Variants in DDX55 observed in about 807,000 individuals in gnomAD.
DDX55 encodes the protein ATP-dependent RNA helicase DDX55.
Under a neutral mutation model 69.2 loss-of-function variants are expected in DDX55, and 56 were observed. The observed-to-expected ratio is 0.81, with a 90% CI of 0.65 to 1.01. The LOEUF (loss-of-function observed/expected upper bound fraction) is 1.01. Ranked by LOEUF, DDX55 falls within the 50% of genes least tolerant of loss-of-function variation. DDX55 has a pLI of 0.00. For synonymous variants in DDX55, 268 were observed against 273.1 expected (o/e 0.98, Z 0.18); for missense variants, 720 against 745.1 (o/e 0.97, Z 0.39).
Position 123,616,577 on chromosome 12 carries a change from G to A in DDX55, c.1023G>A (p.Leu341=). Residue 341 remains leucine (L), a synonymous_variant, in exon 10 of 14, where the codon TTG becomes TTA. Transcript: ENST00000238146. Reference sequence around the variant, plus strand: ...ATATTCCTGAAGTCAACTGGGTTTTGCAGTATGACCCTCCCAGCAATGCAA... The same window carrying A: ...ATATTCCTGAAGTCAACTGGGTTTTACAGTATGACCCTCCCAGCAATGCAA... ...GIDIPEVNWV[L]QYDPPSNASA... 6.2e-7 allele frequency: 1 copy of A among 1,614,124 alleles called. No individual in the cohort carries two copies. The highest frequency in any genetic ancestry group is 8.5e-7 in the Non-Finnish European group (1 of 1,180,028).
In DDX55 at chr12:123,607,415, T is replaced by C; in HGVS notation, c.247-17T>C. ...CCCTTGTGCTGCTGACTGTGTCCCT[T>C]CCTTCCATGTGGGTAGGTTGGAGCC... On this transcript the variant is annotated splice_polypyrimidine_tract_variant and intron_variant, in intron 3 of 13. Transcript: ENST00000238146. 1 of 1,613,574 alleles carries C rather than the reference T, an allele frequency of 6.2e-7. No homozygotes were observed. The highest frequency in any genetic ancestry group is 1.3e-5 in the African/African-American group (1 of 75,022).
Position 123,618,703 on chromosome 12 carries a change from C to T in DDX55, c.1199C>T (p.Thr400Ile), listed in dbSNP as rs1413746467. 3 of 1,614,164 alleles carry T rather than the reference C, an allele frequency of 1.9e-6. No individual in the cohort carries two copies. Among genetic ancestry groups the T allele is most frequent in the Non-Finnish European group, 2.5e-6 (3 of 1,180,016 alleles). The change falls in exon 12 of 14, where the codon ACA becomes ATA. Residue 400 changes from threonine (T) to isoleucine (I), a missense_variant. Transcript: ENST00000238146. The stretch of plus-strand genomic sequence containing the variant: ...CAGGAGATGAAGCCCCAGAGAAACA[C>T]AGCGGACCTTCTGCCAAAACTCAAG... Reference protein sequence around the residue: ...PLQEMKPQRNTADLLPKLKSM... With the variant: ...PLQEMKPQRNIADLLPKLKSM...
intron 8 of DDX55, among the ~76,000 whole-genome samples, chr12:123,614,240 G>C (rs1954488652): frequency 6.6e-6 from 1 of 152,142 alleles, no homozygotes; most frequent in African/African-American, 2.4e-5. Context: ...AACCCACCAG[G>C]TCTGTGGGTT....
intron 7 of DDX55, among the ~76,000 whole-genome samples, chr12:123,610,505 A>G (rs2135709352): frequency 6.6e-6 from 1 of 152,204 alleles, no homozygotes; most frequent in Non-Finnish European, 1.5e-5. Flanking sequence ...AACACAGAAA[A>G]TCAAATGACA....
In DDX55 at chr12:123,606,094, C is replaced by T; in HGVS notation, c.181C>T (p.Leu61Phe). ...GCAGGTCACAGGTAGTGGCAAAACA[C>T]TCGCTTTTGTCATCCCCATCCTGGA... ...AEAVTGSGKT[L>F]AFVIPILEIL... is the part of the protein sequence containing the mutation. The change falls in exon 3 of 14, where the codon CTC (leucine) becomes TTC (phenylalanine). Residue 61 changes from leucine (L) to phenylalanine (F), a missense_variant. Coordinates refer to ENST00000238146, the MANE Select transcript of DDX55 (RefSeq NM_020936.3). 6.2e-7 allele frequency: 1 copy of T among 1,614,156 alleles called. No homozygotes were observed. Among genetic ancestry groups the T allele is most frequent in the African/African-American group, 1.3e-5 (1 of 75,020 alleles).
At chr12:123,618,506 A>T (rs762059845) in intron 11 of DDX55, 163 bp from the exon 12 acceptor site, 1 of 1,537,688 alleles carries the variant, frequency 6.5e-7, no homozygotes, top group Non-Finnish European at 8.7e-7. Context: ...AAAATTTAAC[A>T]TACTTTACAG....
intron 1 of DDX55, 177 bp from the exon 2 acceptor site, chr12:123,605,754 A>T: frequency 2.5e-6 from 2 of 812,836 alleles, no homozygotes; most frequent in Non-Finnish European, 2.1e-6. Context: ...CACGCCGTCC[A>T]CATAGACACA....
chr12:123,607,140 G>C (rs1006840594), intron 3 of DDX55, among the ~76,000 whole-genome samples: 1 of 152,222 alleles, frequency 6.6e-6, no homozygotes, highest in African/African-American at 2.4e-5. Context: ...TGACAAAAAT[G>C]TCATGCCCAA....
chr12:123,616,429 C>T, intron 9 of DDX55, 82 bp from the exon 10 acceptor site: 1 of 1,262,434 alleles, frequency 7.9e-7, no homozygotes, highest in Non-Finnish European at 1.2e-6. Context: ...CTGTGTGTCA[C>T]TGTCATCGAG....
At chr12:123,603,598 G>T (rs1340363218) in intron 1 of DDX55, among the ~76,000 whole-genome samples, 1 of 151,922 alleles carries the variant, frequency 6.6e-6, no homozygotes, top group Non-Finnish European at 1.5e-5. Flanking sequence ...CACCATCTCG[G>T]CCAGGTTGGT....
Position 123,618,829 on chromosome 12 carries a change from G to C in DDX55, c.1325G>C (p.Arg442Thr). The C allele has an allele frequency of 1.2e-6, 2 of 1,613,972 alleles. No individual in the cohort carries two copies. The highest frequency in any genetic ancestry group is 1.7e-6 in the Non-Finnish European group (2 of 1,179,888). ...YAKHECNLIFRLKDLDFASLA... is the reference protein window; with the variant it reads ...YAKHECNLIFTLKDLDFASLA... ...AAGCATGAATGCAACCTGATTTTCAGATTAAAGGGTAAGTTGGACTTCTTC... is the reference window on the plus strand; with the variant it reads ...AAGCATGAATGCAACCTGATTTTCACATTAAAGGGTAAGTTGGACTTCTTC... Residue 442 changes from arginine to threonine, a missense_variant, in exon 12 of 14, where the codon AGA becomes ACA. Arg to Thr is a moderately conservative substitution (Grantham distance 71, BLOSUM62 -1). Transcript: ENST00000238146.
At position 123,602,943 on chromosome 12, in the gene DDX55, G is replaced by A. The variant is rs78825241; in HGVS notation, c.108+687G>A. The stretch of plus-strand genomic sequence containing the variant: ...AGCTGAGACCTCAGTGATTGAGAAG[G>A]AGCTGGCTCTGAGGTGACTAGGGGG... On this transcript the variant is annotated intron_variant, in intron 1 of 13. Coordinates refer to ENST00000238146, the MANE Select transcript of DDX55 (RefSeq NM_020936.3). Among the ~76,000 whole-genome samples the A allele has an allele frequency of 3.2e-3, 486 of 152,318 alleles. 5 individuals carry two copies. The highest frequency in any genetic ancestry group is 0.011 in the African/African-American group (461 of 41,572).
chr12:123,619,394 T>C, intron 12 of DDX55, 38 bp from the exon 13 acceptor site: 2 of 1,582,008 alleles, frequency 1.3e-6, no homozygotes, highest in East Asian at 2.2e-5. Flanking sequence ...GTTCTAATCC[T>C]GTTGAGTGCG....
intron 3 of DDX55, among the ~76,000 whole-genome samples, chr12:123,606,734 G>T (rs371711073): frequency 1.3e-5 from 2 of 152,040 alleles, no homozygotes; most frequent in Non-Finnish European, 2.9e-5. Context: ...GGGACTACAG[G>T]TGTGGACCAT....
In DDX55 at chr12:123,607,512, C is replaced by G. The variant is rs1250271717; in HGVS notation, c.327C>G (p.Phe109Leu). The G allele has an allele frequency of 1.2e-6, 2 of 1,614,156 alleles. No homozygotes were observed. The highest frequency in any genetic ancestry group is 2.2e-5 in the East Asian group (1 of 44,892). Reference sequence around the variant, plus strand: ...TCCTGTCGCATTTCACGAAGCACTTCCCCGAGTTCAGGTGAATTGGATGCA... The same window carrying G: ...TCCTGTCGCATTTCACGAAGCACTTGCCCGAGTTCAGGTGAATTGGATGCA... Reference protein sequence around the residue: ...DEVLSHFTKHFPEFSQILWIG... With the variant: ...DEVLSHFTKHLPEFSQILWIG... The change falls in exon 4 of 14, where the codon TTC (phenylalanine) becomes TTG (leucine). Residue 109 changes from phenylalanine (F) to leucine (L), a missense_variant. Physicochemically the swap from Phe to Leu is conservative, Grantham distance 22. Coordinates refer to ENST00000238146, the MANE Select transcript of DDX55 (RefSeq NM_020936.3).
At chr12:123,616,880 G>A (rs555356376) in intron 10 of DDX55, 12 of 371,388 alleles carry the variant, frequency 3.2e-5, no homozygotes, top group East Asian at 1.3e-4. Flanking sequence ...GAGGCTGGGC[G>A]CGGTGGCTCA....
At chr12:123,610,964 G>A (rs1472727452) in intron 7 of DDX55, among the ~76,000 whole-genome samples, 40 of 150,098 alleles carry the variant, frequency 2.7e-4, no homozygotes, top group African/African-American at 9.1e-4. Flanking sequence ...GCAATGGCAC[G>A]ATCTCGGCTC....
At chr12:123,606,040 G>A (rs1366521967) in intron 2 of DDX55, 33 bp from the exon 3 acceptor site, 4 of 1,555,200 alleles carry the variant, frequency 2.6e-6, no homozygotes, top group Non-Finnish European at 3.5e-6. Context: ...GAACTCTGAG[G>A]AAGAAAGGGA....
chr12:123,618,852 T>G lies in DDX55; in HGVS notation c.1333+15T>G. On this transcript the variant is annotated intron_variant, in intron 12 of 13. Transcript: ENST00000238146. ...CAGATTAAAGGGTAAGTTGGACTTC[T>G]TCATGTGATAATGTCTCCATCTTAA... 1 of 1,612,766 alleles carries G rather than the reference T, an allele frequency of 6.2e-7. No individual in the cohort carries two copies. The highest frequency in any genetic ancestry group is 8.5e-7 in the Non-Finnish European group (1 of 1,179,018).
Sources: gnomAD v4.1 joint callset for allele counts (sites outside exome capture counted in the v4.1 genomes callset) on GRCh38, gnomAD v4.1.1 for gene constraint, MANE v1.5 for transcripts, NCBI Gene and HGNC (gene_info 2026-07-23, HGNC 2026-07-21) for gene names.